BLMH: variants seen among roughly 807,000 people sequenced by gnomAD.
The protein encoded by BLMH is bleomycin hydrolase.
BLMH carries 32 observed loss-of-function variants against 61.6 expected under a neutral mutation model. That is an observed-to-expected ratio of 0.52 (90% CI 0.39 to 0.70). BLMH has a LOEUF of 0.70. Ranked by LOEUF, BLMH falls within the 30% of genes least tolerant of loss-of-function variation. The pLI, the probability that BLMH is intolerant of heterozygous loss-of-function variation, is 0.00. For synonymous variants in BLMH, 183 were observed against 193.8 expected, an observed-to-expected ratio of 0.94 and a Z score of 0.46; for missense variants, 460 against 555.5, an observed-to-expected ratio of 0.83 and a Z score of 1.73.
intron 11 of BLMH, chr17:30,250,314 CG>C (rs1303986344): frequency 2.0e-5 from 3 of 152,168 alleles, no homozygotes; most frequent in Non-Finnish European, 4.4e-5. Flanking sequence ...AGAAAATCTT[CG>C]CAAACTATGA....
chr17:30,263,704 G>A (rs1908023801), intron 11 of BLMH, among the ~76,000 whole-genome samples: 1 of 152,178 alleles, frequency 6.6e-6, no homozygotes, highest in Non-Finnish European at 1.5e-5. Flanking sequence ...AGAGTTTCTG[G>A]GCAGGAGAGC....
At chr17:30,262,399 T>C (rs553222511) in intron 11 of BLMH, among the ~76,000 whole-genome samples, 11 of 152,360 alleles carry the variant, frequency 7.2e-5, no homozygotes, top group East Asian at 3.9e-4. Context: ...TGACAGAATA[T>C]TGATAACTAC....
chr17:30,260,279 A>G (rs1907920450), intron 11 of BLMH, among the ~76,000 whole-genome samples: 1 of 152,188 alleles, frequency 6.6e-6, no homozygotes, highest in South Asian at 2.1e-4. Context: ...AAACCAGTGC[A>G]AACACCTTGG....
At chr17:30,282,509 C>A (rs1433202073) in intron 6 of BLMH, among the ~76,000 whole-genome samples, 1 of 152,092 alleles carries the variant, frequency 6.6e-6, no homozygotes, top group East Asian at 1.9e-4. Context: ...TGAGCCACTG[C>A]GCCCAACTGA....
In BLMH at chr17:30,287,914, C is replaced by T; in HGVS notation, c.355G>A (p.Val119Met). Reference protein sequence around the residue: ...ERCYFFLSAFVDTAQRKEPED... With the variant: ...ERCYFFLSAFMDTAQRKEPED... Reference sequence around the variant, plus strand: ...GGCTCCTTTCTCTGGGCTGTGTCCACAAAAGCACTCAAGAAGAAATAACAG... The same window carrying T: ...GGCTCCTTTCTCTGGGCTGTGTCCATAAAAGCACTCAAGAAGAAATAACAG... Residue 119 changes from valine (V) to methionine (M), a missense_variant, in exon 4 of 12, where the codon GTG becomes ATG. Val to Met is a conservative substitution (Grantham distance 21, BLOSUM62 1). Transcript: ENST00000261714. The T allele has an allele frequency of 6.2e-7, 1 of 1,613,926 alleles. No individual in the cohort carries two copies. The highest frequency in any genetic ancestry group is 8.5e-7 in the Non-Finnish European group (1 of 1,179,898).
rs200485648 is a variant in BLMH at position 30,291,186 on chromosome 17, C to T, written c.211+125G>A. The stretch of plus-strand genomic sequence containing the variant: ...TTCTTAGACCTGCCTGTACCTGTGC[C>T]TCATTCTTTACGAATTTACGACCAG... On this transcript the variant is annotated intron_variant, in intron 2 of 11. Coordinates refer to ENST00000261714, the MANE Select transcript of BLMH (RefSeq NM_000386.4). The T allele has an allele frequency of 6.5e-5, 80 of 1,228,590 alleles. No homozygotes were observed. The African/African-American group carries it at 1.0e-3, about 15-fold the overall frequency. The allele number at this position is 1,228,590 out of a possible 1,614,324, so 76.1% of individuals were successfully genotyped here.
chr17:30,262,568 G>A (rs561006489), intron 11 of BLMH, among the ~76,000 whole-genome samples: 2 of 152,316 alleles, frequency 1.3e-5, no homozygotes, highest in Admixed American at 1.3e-4. Context: ...GCCGAGGTGG[G>A]AGGATCACAA....
At chr17:30,273,925 T>G in intron 7 of BLMH, 117 bp downstream of exon 7, 1 of 1,282,044 alleles carries the variant, frequency 7.8e-7, no homozygotes, top group Non-Finnish European at 1.1e-6. Flanking sequence ...GGGAAAAATG[T>G]TTGTTTGCTG....
rs1321651043 is a variant in BLMH at position 30,286,842 on chromosome 17, C to T, written c.524G>A (p.Arg175Lys). Reference protein sequence around the residue: ...FPESYTTEATRRMNDILNHKM... With the variant: ...FPESYTTEATKRMNDILNHKM... ...GTGATTCAGAATATCATTCATCCTT[C>T]TGGTTGCCTCTGTTGTATAAGATTC... The change falls in exon 5 of 12, where the codon AGA becomes AAA. Residue 175 changes from arginine to lysine, a missense_variant. By Grantham distance (26) the Arg-to-Lys change is conservative (BLOSUM62 2). Transcript: ENST00000261714. 4 of 1,595,262 alleles carry T rather than the reference C, an allele frequency of 2.5e-6. No individual in the cohort carries two copies. In the Admixed American group the frequency reaches 5.0e-5, roughly 20 times the overall value.
intron 6 of BLMH, among the ~76,000 whole-genome samples, chr17:30,275,200 G>C (rs1313325726): frequency 6.6e-6 from 1 of 152,120 alleles, no homozygotes; most frequent in Non-Finnish European, 1.5e-5. Flanking sequence ...CTGAGTGACA[G>C]AGTGAGGACC....
chr17:30,269,302 A>G (rs974488146), intron 10 of BLMH, among the ~76,000 whole-genome samples: 1 of 148,440 alleles, frequency 6.7e-6, no homozygotes, highest in African/African-American at 2.5e-5. Flanking sequence ...CTCAGCCTCC[A>G]GAGTAGCTGC....
chr17:30,291,206 G>C, intron 2 of BLMH, 105 bp downstream of exon 2: 4 of 1,369,876 alleles, frequency 2.9e-6, no homozygotes, highest in Non-Finnish European at 4.0e-6. Context: ...ACGAATTTAC[G>C]ACCAGTTCTT....
Position 30,266,966 on chromosome 17 carries a change from T to G in BLMH, c.1147-12A>C. ...CCATCCTGATCATCCTGCAAAAAAG[T>G]GGATGATGGTGAGTAGTCTGAAGCC... On this transcript the variant is annotated splice_polypyrimidine_tract_variant and intron_variant, in intron 10 of 11. Transcript: ENST00000261714. 3 of 1,613,210 alleles carry G rather than the reference T, an allele frequency of 1.9e-6. No homozygotes were observed. The highest frequency in any genetic ancestry group is 8.5e-7 in the Non-Finnish European group (1 of 1,179,260).
chr17:30,274,230 G>A, intron 6 of BLMH, 33 bp from the exon 7 acceptor site: 1 of 1,598,882 alleles, frequency 6.3e-7, no homozygotes, highest in Non-Finnish European at 8.5e-7. Flanking sequence ...GCGAGCAATG[G>A]TTAGGGGGAA....
chr17:30,259,163 C>T (rs1414440877), intron 11 of BLMH, among the ~76,000 whole-genome samples: 2 of 152,180 alleles, frequency 1.3e-5, no homozygotes, highest in Non-Finnish European at 2.9e-5. Context: ...CAATAGGTTA[C>T]AAACACCATA....
intron 6 of BLMH, among the ~76,000 whole-genome samples, chr17:30,277,190 T>C (rs1351138116): frequency 6.6e-6 from 1 of 152,250 alleles, no homozygotes; most frequent in African/African-American, 2.4e-5. Context: ...ATCTAGTCAT[T>C]AAACCATCTC....
In BLMH at chr17:30,287,803, T is replaced by A; in HGVS notation, c.463+3A>T. On this transcript the variant is annotated splice_donor_region_variant and intron_variant, in intron 4 of 11. Transcript: ENST00000261714. ...TCAGTTCCATTAAAGAAAGAACTTT[T>A]ACCAACAATATTAACAAGCATATCC... is the stretch of plus-strand genomic sequence containing the variant. 1.2e-6 allele frequency: 2 copies of A among 1,613,310 alleles called. No homozygotes were observed. Among genetic ancestry groups the A allele is most frequent in the Non-Finnish European group, 1.7e-6 (2 of 1,179,734 alleles).
In BLMH at chr17:30,248,832, C is replaced by G. The variant is rs3190890; in HGVS notation, c.*185G>C. The G allele has an allele frequency of 1.5e-6, 1 of 645,338 alleles. No individual in the cohort carries two copies. Among genetic ancestry groups the G allele is most frequent in the Non-Finnish European group, 2.6e-6 (1 of 386,426 alleles). 40.0% of individuals were successfully genotyped at this position (645,338 alleles called of 1,614,324 possible). On this transcript the variant is annotated 3_prime_UTR_variant, in exon 12 of 12. Coordinates refer to ENST00000261714, the MANE Select transcript of BLMH (RefSeq NM_000386.4). ...CCTGATCTTCCCCCCTCTTTTTTTT[C>G]CTTTAACAGTATTCTGTTTCAGCAT...
chr17:30,291,241 T>C, intron 2 of BLMH, 70 bp downstream of exon 2: 1 of 1,556,204 alleles, frequency 6.4e-7, no homozygotes, highest in Non-Finnish European at 8.7e-7. Context: ...AGACCACTCT[T>C]AAATAAGACA....
Sources: allele counts gnomAD v4.1 joint callset (sites outside exome capture counted in the v4.1 genomes callset), GRCh38; gene constraint gnomAD v4.1.1; transcripts MANE v1.5; gene names NCBI Gene and HGNC (gene_info 2026-07-23, HGNC 2026-07-21).